Variants in ALOX15 observed in about 807,000 individuals in gnomAD.
ALOX15 encodes the protein arachidonate 15-lipoxygenase, also known as polyunsaturated fatty acid lipoxygenase ALOX15.
A neutral mutation model predicts 71.7 loss-of-function variants in ALOX15; 68 were observed. The ratio of observed to expected loss-of-function variants is 0.95; its 90% CI spans 0.78 to 1.16. ALOX15 has a LOEUF of 1.16. Ranked by LOEUF, ALOX15 falls within the 50% of genes most tolerant of loss-of-function variation. The probability of loss-of-function intolerance (pLI) is 0.00; values close to 1 mark genes in which losing one functional copy is unlikely to be tolerated. For missense variants in ALOX15, 798 were observed against 818.8 expected, an observed-to-expected ratio of 0.97 and a Z score of 0.31; for synonymous variants, 346 against 333.3, an observed-to-expected ratio of 1.04 and a Z score of -0.42.
chr17:4,632,611 G>A (rs752833660), intron 11 of ALOX15, among the ~76,000 whole-genome samples: 7 of 152,272 alleles, frequency 4.6e-5, no homozygotes, highest in Middle Eastern at 3.4e-3. Context: ...AAATCAGGAC[G>A]GTTCTTCCCG....
chr17:4,639,396 A>G, intron 2 of ALOX15, 34 bp downstream of exon 2: 1 of 1,610,948 alleles, frequency 6.2e-7, no homozygotes, highest in Non-Finnish European at 8.5e-7. Flanking sequence ...CACACAGCCC[A>G]GAGGCCTCCT....
chr17:4,633,125 T>C (rs749150116), intron 10 of ALOX15, 21 bp downstream of exon 10: 33 of 1,611,348 alleles, frequency 2.0e-5, no homozygotes, highest in Non-Finnish European at 2.6e-5. Flanking sequence ...GCACCCCCAC[T>C]GGCCTTCCCG....
In ALOX15 at chr17:4,641,314, C is replaced by G. The variant is rs190536747; in HGVS notation, c.135+203G>C. The stretch of plus-strand genomic sequence containing the variant: ...CAATTCCAAGGAGATCGGGTAGCGG[C>G]AACATTTATTGAGCGCTTACTGTGT... On this transcript the variant is annotated intron_variant, in intron 1 of 13. Coordinates refer to ENST00000293761, the MANE Select transcript of ALOX15 (RefSeq NM_001140.5). Among the ~76,000 whole-genome samples the G allele has an allele frequency of 2.0e-4, 31 of 152,214 alleles. No individual in the cohort carries two copies. The East Asian group carries it at 3.9e-3, about 19-fold the overall frequency.
chr17:4,638,896 A>G lies in ALOX15; in HGVS notation c.496T>C (p.Phe166Leu). ...KLYDLPVDER[F>L]LEDKRVDFEV... ...AAGTCAACTCTCTTGTCTTCCAGAA[A>G]TCGCTCATCCACAGGGAGGTCATAT... Residue 166 changes from phenylalanine to leucine, a missense_variant, in exon 4 of 14, where the codon TTT becomes CTT. Phe to Leu is a conservative substitution (Grantham distance 22). Around this residue, in one of 3 missense-constraint regions of ALOX15, gnomAD observed 300 missense variants for 283.1 expected, o/e 1.06. Coordinates refer to ENST00000293761, the MANE Select transcript of ALOX15 (RefSeq NM_001140.5). 1.2e-6 allele frequency: 2 copies of G among 1,614,200 alleles called. No homozygotes were observed. Among genetic ancestry groups the G allele is most frequent in the Non-Finnish European group, 1.7e-6 (2 of 1,180,030 alleles).
intron 11 of ALOX15, among the ~76,000 whole-genome samples, chr17:4,632,561 C>A (rs532485300): frequency 1.3e-5 from 2 of 152,234 alleles, no homozygotes; most frequent in South Asian, 4.1e-4. Flanking sequence ...TTGGTAGTCA[C>A]AGTAAAAATA....
At chr17:4,641,098 C>T (rs1911309150) in intron 1 of ALOX15, among the ~76,000 whole-genome samples, 1 of 150,956 alleles carries the variant, frequency 6.6e-6, no homozygotes, top group African/African-American at 2.4e-5. Context: ...TGTCTTGACT[C>T]CCCATCCCTT....
At chr17:4,633,105 AC>A in intron 10 of ALOX15, 40 bp downstream of exon 10, 1 of 1,607,242 alleles carries the variant, frequency 6.2e-7, no homozygotes, top group Non-Finnish European at 8.5e-7. Context: ...TGTCTTCTCC[AC>A]CCCCACTTGC....
chr17:4,638,364 GT>G lies in ALOX15; in HGVS notation c.659del (p.Asp220AlafsTer22). On this transcript the variant is annotated frameshift_variant, in exon 6 of 14. Coordinates refer to ENST00000293761, the MANE Select transcript of ALOX15 (RefSeq NM_001140.5). LOFTEE classifies it high-confidence loss of function. ...GQSKLAERVRDSWKEDALFGY... is the reference protein window; with the variant it reads ...GQSKLAERVRXSWKEDALFGY... ...CAAATAAGGCATCTTCCTTCCAGGA[GT>G]CCCGCACGCGCTCTGGGGAAGGCAG... 1.0e-6 allele frequency: 1 copy of G among 954,902 alleles called. No individual in the cohort carries two copies. The highest frequency in any genetic ancestry group is 1.6e-6 in the Non-Finnish European group (1 of 625,006). The allele number at this position is 954,902 out of a possible 1,614,324, so 59.2% of individuals were successfully genotyped here.
intron 11 of ALOX15, 83 bp downstream of exon 11, chr17:4,632,778 G>C: frequency 6.3e-7 from 1 of 1,593,850 alleles, no homozygotes. Flanking sequence ...AATGCTTCTG[G>C]GAGATTTCAC....
In ALOX15 at chr17:4,637,221, T is replaced by C. The variant is rs750997262; in HGVS notation, c.845A>G (p.Asp282Gly). Residue 282 changes from aspartate to glycine, a missense_variant, in exon 7 of 14, where the codon GAT becomes GGT. Physicochemically the swap from Asp to Gly is moderately conservative, Grantham distance 94. This residue lies in a region of ALOX15 where 490 missense variants were observed against 509.4 expected (regional missense o/e 0.96). Coordinates refer to ENST00000293761, the MANE Select transcript of ALOX15 (RefSeq NM_001140.5). ...TLFEADFSLL[D>G]GIKANVILCS... ...GAGAATGACGTTGGCCTTGATCCCA[T>C]CCAGCAGGGAGAAGTCAGCTTCGAA... 12 of 1,613,610 alleles carry C rather than the reference T, an allele frequency of 7.4e-6. No individual in the cohort carries two copies. Among genetic ancestry groups the C allele is most frequent in the Non-Finnish European group, 1.0e-5 (12 of 1,179,690 alleles).
intron 10 of ALOX15, 21 bp from the exon 11 acceptor site, chr17:4,633,003 G>A: frequency 6.2e-7 from 1 of 1,614,082 alleles, no homozygotes; most frequent in Non-Finnish European, 8.5e-7. Context: ...ACGGAGCAGG[G>A]CCAGGGAGCT....
intron 1 of ALOX15, 138 bp downstream of exon 1, chr17:4,641,379 C>G (rs1911322502): frequency 7.6e-7 from 1 of 1,312,186 alleles, no homozygotes; most frequent in Non-Finnish European, 1.0e-6. Flanking sequence ...CCGTGGCCTC[C>G]GCGCGCTTTG....
At position 4,635,124 on chromosome 17, in the gene ALOX15, C is replaced by G. The variant is rs536416988; in HGVS notation, c.1161+635G>C. ...TTCATCCATTACACTAGGCTTCTTT[C>G]AGTTCTTTAAAGAAGACAAACTTGG... On this transcript the variant is annotated intron_variant, in intron 8 of 13. Transcript: ENST00000293761. Among the ~76,000 whole-genome samples the G allele has an allele frequency of 4.6e-5, 7 of 151,476 alleles. No homozygotes were observed. In the East Asian group the frequency reaches 1.2e-3, roughly 25 times the overall value.
intron 1 of ALOX15, among the ~76,000 whole-genome samples, chr17:4,641,273 C>A (rs1911316699): frequency 6.6e-6 from 1 of 151,908 alleles, no homozygotes; most frequent in Non-Finnish European, 1.5e-5. Context: ...ATGAGGGGCG[C>A]ACAGGAGCAT....
intron 6 of ALOX15, 93 bp from the exon 7 acceptor site, chr17:4,637,351 C>G (rs766185456): frequency 1.4e-4 from 193 of 1,402,492 alleles, no homozygotes; most frequent in Non-Finnish European, 1.8e-4. Flanking sequence ...GGAGCTAACT[C>G]GTCTCCATCA....
Position 4,639,635 on chromosome 17 carries a change from C to A in ALOX15, c.136-4G>T, listed in dbSNP as rs1050033581. On this transcript the variant is annotated splice_region_variant and splice_polypyrimidine_tract_variant and intron_variant, in intron 1 of 13. Transcript: ENST00000293761. ...CTTCCACCTTGAGTTCTGTCTCCTG[C>A]GGGCGACAGAAGAGGCTCAGCCCCG... 1 of 1,607,652 alleles carries A rather than the reference C, an allele frequency of 6.2e-7. No individual in the cohort carries two copies.
At position 4,641,638 on chromosome 17, in the gene ALOX15, C is replaced by T; in HGVS notation, c.14G>A (p.Arg5His). The T allele has an allele frequency of 6.2e-7, 1 of 1,613,142 alleles. No individual in the cohort carries two copies. Among genetic ancestry groups the T allele is most frequent in the Non-Finnish European group, 8.5e-7 (1 of 1,179,966 alleles). The change falls in exon 1 of 14, where the codon CGC (arginine) becomes CAC (histidine). Residue 5 changes from arginine to histidine, a missense_variant. This residue lies in a region of ALOX15 where 300 missense variants were observed against 283.1 expected (regional missense o/e 1.06). Coordinates refer to ENST00000293761, the MANE Select transcript of ALOX15 (RefSeq NM_001140.5). Reference protein sequence around the residue: MGLYRIRVSTGASLY... With the variant: MGLYHIRVSTGASLY... Reference sequence around the variant, plus strand: ...CGAGGCCCCAGTGGACACGCGGATGCGGTAGAGACCCATCTTGCTCAAAGA... The same window carrying T: ...CGAGGCCCCAGTGGACACGCGGATGTGGTAGAGACCCATCTTGCTCAAAGA...
In ALOX15 at chr17:4,631,589, G is replaced by T; in HGVS notation, c.*11C>A. ...GTGATGGGGGCTGAAATAACCAAAG[G>T]GTGGCGACGCTTAGATGGCCACACT... On this transcript the variant is annotated 3_prime_UTR_variant, in exon 14 of 14. Transcript: ENST00000293761. 2.5e-6 allele frequency: 4 copies of T among 1,612,110 alleles called. No individual in the cohort carries two copies. The highest frequency in any genetic ancestry group is 3.4e-6 in the Non-Finnish European group (4 of 1,179,906).
intron 8 of ALOX15, 81 bp downstream of exon 8, chr17:4,635,678 C>G (rs1469348014): frequency 1.4e-6 from 2 of 1,384,102 alleles, no homozygotes; most frequent in Non-Finnish European, 2.0e-6. Flanking sequence ...CGAGACCCCA[C>G]AGAGAGGGAG....
Sources: allele counts gnomAD v4.1 joint callset (sites outside exome capture counted in the v4.1 genomes callset), GRCh38; gene constraint gnomAD v4.1.1; regional missense constraint gnomAD v4.1.1; transcripts MANE v1.5; gene names NCBI Gene and HGNC (gene_info 2026-07-23, HGNC 2026-07-21).